ALPK1: variants seen among roughly 807,000 people sequenced by gnomAD.
ALPK1 encodes the protein alpha kinase 1.
Under a neutral mutation model 120.6 loss-of-function variants are expected in ALPK1, and 110 were observed. That is an observed-to-expected ratio of 0.91 (90% CI 0.78 to 1.07). The LOEUF is 1.07. Among genes scored for constraint, ALPK1 ranks in the 50% least tolerant of loss-of-function variants. ALPK1 has a pLI of 0.00. For synonymous variants in ALPK1, 582 were observed against 560.3 expected, an observed-to-expected ratio of 1.04 and a Z score of -0.55; for missense variants, 1,498 against 1,483.9, an observed-to-expected ratio of 1.01 and a Z score of -0.16.
chr4:112,310,715 T>C (rs1040770522), intron 1 of ALPK1, among the ~76,000 whole-genome samples: 2 of 152,126 alleles, frequency 1.3e-5, no homozygotes, highest in Admixed American at 6.5e-5. Context: ...GCCTTAATTT[T>C]CTCATCCATA....
chr4:112,364,841 C>T (rs755237122), intron 2 of ALPK1, among the ~76,000 whole-genome samples: 6 of 151,984 alleles, frequency 3.9e-5, no homozygotes, highest in Non-Finnish European at 4.4e-5. Flanking sequence ...AACAGCATAC[C>T]AAAAAGATAA....
intron 4 of ALPK1, among the ~76,000 whole-genome samples, chr4:112,392,671 T>G (rs946739496): frequency 1.3e-5 from 2 of 152,134 alleles, no homozygotes; most frequent in Non-Finnish European, 2.9e-5. Flanking sequence ...GGACTACAGG[T>G]GCATGTCACC....
chr4:112,431,978 G>A lies in ALPK1; in HGVS notation c.2431G>A (p.Gly811Arg), dbSNP rs761274828. The A allele has an allele frequency of 6.2e-7, 1 of 1,614,106 alleles. No homozygotes were observed. Among genetic ancestry groups the A allele is most frequent in the Non-Finnish European group, 8.5e-7 (1 of 1,180,022 alleles). The change falls in exon 11 of 16, where the codon GGA (glycine) becomes AGA (arginine). Residue 811 changes from glycine (G) to arginine (R), a missense_variant. Physicochemically the swap from Gly to Arg is moderately radical, Grantham distance 125. Transcript: ENST00000650871. ...DFHRVLHNSL[G>R]NISMLPCSSF... ...TCACAGGGTCCTGCACAATTCTCTG[G>A]GAAACATTTCCATGCTGCCATGTAG...
intron 4 of ALPK1, among the ~76,000 whole-genome samples, chr4:112,401,910 T>C (rs1229080885): frequency 2.6e-5 from 4 of 152,214 alleles, no homozygotes. Context: ...GCCAATGAAA[T>C]GTTTACAGGC....
chr4:112,394,722 T>C (rs1220052304), intron 4 of ALPK1, among the ~76,000 whole-genome samples: 2 of 152,210 alleles, frequency 1.3e-5, no homozygotes, highest in Admixed American at 6.5e-5. Context: ...AGTTATCCCT[T>C]TGATGAGGCT....
At chr4:112,409,908 GATAA>G (rs1282170327) in intron 4 of ALPK1, among the ~76,000 whole-genome samples, 12 of 152,176 alleles carry the variant, frequency 7.9e-5, no homozygotes, top group Non-Finnish European at 7.4e-5. Flanking sequence ...AGACCAAAAA[GATAA>G]ATAGAGTAAA....
chr4:112,298,573 C>G (rs1022004897), intron 1 of ALPK1, among the ~76,000 whole-genome samples: 9 of 152,218 alleles, frequency 5.9e-5, no homozygotes, highest in African/African-American at 1.9e-4. Flanking sequence ...TTTCTTCCGC[C>G]AAGAAGACAC....
intron 2 of ALPK1, among the ~76,000 whole-genome samples, chr4:112,332,605 A>G (rs1409698097): frequency 6.6e-6 from 1 of 152,256 alleles, no homozygotes; most frequent in Non-Finnish European, 1.5e-5. Context: ...GACACAGTAC[A>G]GTCAGGGAGC....
chr4:112,422,722 C>G (rs1477217997), intron 5 of ALPK1, among the ~76,000 whole-genome samples: 1 of 152,228 alleles, frequency 6.6e-6, no homozygotes, highest in Non-Finnish European at 1.5e-5. Flanking sequence ...CAGCTGGAAG[C>G]TGGGATAGCT....
chr4:112,380,010 T>C (rs866216085), intron 3 of ALPK1, among the ~76,000 whole-genome samples: 1 of 152,204 alleles, frequency 6.6e-6, no homozygotes, highest in Non-Finnish European at 1.5e-5. Context: ...TAAAATTCTA[T>C]GAACCCAGAA....
chr4:112,401,154 T>C (rs561922355), intron 4 of ALPK1, among the ~76,000 whole-genome samples: 9 of 152,272 alleles, frequency 5.9e-5, no homozygotes, highest in African/African-American at 1.9e-4. Flanking sequence ...AGGCCAAGGT[T>C]TTTCTCTAAC....
rs1263840211 is a variant in ALPK1, at chr4:112,406,558, C to G, written c.277-5269C>G. 4.6e-5 allele frequency among the ~76,000 whole-genome samples: 7 copies of G among 152,178 alleles called. No individual in the cohort carries two copies. In the East Asian group the frequency reaches 1.3e-3, roughly 29 times the overall value. ...GCCTCAGAAGCAAGTTCTCTCTGAC[C>G]TTCTCCTGCTTTCCTGTCTCTCACC... is the stretch of plus-strand genomic sequence containing the variant. On this transcript the variant is annotated intron_variant, in intron 4 of 15. Transcript: ENST00000650871.
At chr4:112,381,417 T>C (rs1578519181) in intron 3 of ALPK1, among the ~76,000 whole-genome samples, 1 of 152,332 alleles carries the variant, frequency 6.6e-6, no homozygotes, top group South Asian at 2.1e-4. Context: ...GCAAGACAAG[T>C]ACCTAGAGAT....
At chr4:112,359,090 G>A (rs1432114851) in intron 2 of ALPK1, 11 of 738,638 alleles carry the variant, frequency 1.5e-5, no homozygotes, top group Non-Finnish European at 2.0e-5. Context: ...GAAGGACAGC[G>A]CCGGATCCCA....
intron 5 of ALPK1, among the ~76,000 whole-genome samples, chr4:112,413,858 C>T (rs534598163): frequency 1.3e-5 from 2 of 152,356 alleles, no homozygotes; most frequent in Non-Finnish European, 2.9e-5. Flanking sequence ...CTCCTCTGCT[C>T]ACATTATCCT....
chr4:112,390,045 T>A (rs770824703), intron 4 of ALPK1, among the ~76,000 whole-genome samples: 1 of 152,162 alleles, frequency 6.6e-6, no homozygotes, highest in African/African-American at 2.4e-5. Context: ...CTCCTCCACA[T>A]CTCTTCTCCA....
chr4:112,334,721 A>G (rs1440560793), intron 2 of ALPK1, among the ~76,000 whole-genome samples: 1 of 152,164 alleles, frequency 6.6e-6, no homozygotes, highest in Non-Finnish European at 1.5e-5. Flanking sequence ...ATTATTTTAA[A>G]CTAGGTAACT....
intron 10 of ALPK1, among the ~76,000 whole-genome samples, chr4:112,429,853 A>G (rs1313283462): frequency 1.1e-5 from 1 of 92,284 alleles, no homozygotes; most frequent in Admixed American, 1.0e-4. Context: ...AAAAAAAAAA[A>G]AGAAAAGAAA....
chr4:112,324,975 G>GC (rs1491103268), intron 2 of ALPK1, among the ~76,000 whole-genome samples: 1 of 30,490 alleles, frequency 3.3e-5, no homozygotes, highest in African/African-American at 1.4e-4. Context: ...CCAAAAAAAA[G>GC]GGGGGGGGGG....
Sources: allele counts gnomAD v4.1 joint callset (sites outside exome capture counted in the v4.1 genomes callset), GRCh38; gene constraint gnomAD v4.1.1; transcripts MANE v1.5; gene names NCBI Gene and HGNC (gene_info 2026-07-23, HGNC 2026-07-21).